LOXL2: variants seen among roughly 807,000 people sequenced by gnomAD.
The protein encoded by LOXL2 is lysyl oxidase like 2.
A neutral mutation model predicts 93.0 loss-of-function variants in LOXL2; 70 were observed. That is an observed-to-expected ratio of 0.75 (90% CI 0.62 to 0.92). LOXL2 has a LOEUF of 0.92. Among genes scored for constraint, LOXL2 ranks in the 40% least tolerant of loss-of-function variants. The pLI is 0.00. For missense variants in LOXL2, 973 were observed against 1,054.9 expected (o/e 0.92, Z 1.08); for synonymous variants, 438 against 413.2 (o/e 1.06, Z -0.73).
chr8:23,340,908 AG>A, intron 4 of LOXL2, 83 bp downstream of exon 4: 1 of 1,275,126 alleles, frequency 7.8e-7, no homozygotes, highest in Non-Finnish European at 1.1e-6. Context: ...GGCCAAGGAA[AG>A]GCCACCACCA....
intron 8 of LOXL2, 30 bp downstream of exon 8, chr8:23,319,854 GA>G: frequency 6.2e-7 from 1 of 1,606,326 alleles, no homozygotes; most frequent in Non-Finnish European, 8.5e-7. Context: ...CATGGGGGGT[GA>G]ATGCGGGGTC....
chr8:23,381,095 C>CTT (rs55908148), intron 1 of LOXL2, among the ~76,000 whole-genome samples: 84,149 of 144,940 alleles, frequency 0.58, 25,033 homozygotes, highest in East Asian at 0.76. Flanking sequence ...CCTCTCCAGT[C>CTT]TTTTTTTTTT....
chr8:23,404,056 G>A lies in LOXL2; in HGVS notation c.-186C>T, dbSNP rs974498272. 9.7e-6 allele frequency: 2 copies of A among 206,884 alleles called. No individual in the cohort carries two copies. Among genetic ancestry groups the A allele is most frequent in the Non-Finnish European group, 2.1e-5 (2 of 97,376 alleles). 12.8% of individuals were successfully genotyped at this position (206,884 alleles called of 1,614,324 possible). A position where few individuals can be genotyped will look rare whatever the true frequency, so the allele number is the denominator to read the frequency against. On this transcript the variant is annotated 5_prime_UTR_variant, in exon 1 of 14. Coordinates refer to ENST00000389131, the MANE Select transcript of LOXL2 (RefSeq NM_002318.3). ...AGCCCCTTTCTCGAGCAGAGGGGGCGGCTCTGGTCTCCGATGGCTGGAGAA... is the reference window on the plus strand; with the variant it reads ...AGCCCCTTTCTCGAGCAGAGGGGGCAGCTCTGGTCTCCGATGGCTGGAGAA...
chr8:23,383,753 C>T (rs922342055), intron 1 of LOXL2, among the ~76,000 whole-genome samples: 32 of 148,440 alleles, frequency 2.2e-4, no homozygotes, highest in Non-Finnish European at 3.8e-4. Flanking sequence ...CTCTGCCTCC[C>T]GGGTTCACGC....
At chr8:23,328,803 C>G (rs1297850697) in intron 5 of LOXL2, 2 of 491,808 alleles carry the variant, frequency 4.1e-6, no homozygotes, top group Non-Finnish European at 3.7e-6. Flanking sequence ...GGTGCAAGCT[C>G]CCTTTGCAGC....
At chr8:23,364,182 T>C (rs1473749264) in intron 2 of LOXL2, 1 of 152,164 alleles carries the variant, frequency 6.6e-6, no homozygotes, top group African/African-American at 2.4e-5. Context: ...GGCCCTTTTT[T>C]TTCCCTCTAC....
chr8:23,352,505 A>G (rs1487146906), intron 3 of LOXL2, among the ~76,000 whole-genome samples: 2 of 152,190 alleles, frequency 1.3e-5, no homozygotes, highest in Non-Finnish European at 1.5e-5. Flanking sequence ...CAGACTTTTC[A>G]GAAGTCCTTC....
intron 5 of LOXL2, chr8:23,331,308 T>A (rs1292163296): frequency 6.5e-6 from 1 of 152,734 alleles, no homozygotes; most frequent in Non-Finnish European, 1.5e-5. Context: ...GCTGACACAC[T>A]CTCTGCCCCC....
In LOXL2 at chr8:23,310,531, C is replaced by T. The variant is rs149750714; in HGVS notation, c.1637-620G>A. Among the ~76,000 whole-genome samples, 481 of 152,332 alleles carry T rather than the reference C, an allele frequency of 3.2e-3. 3 individuals carry two copies. The highest frequency in any genetic ancestry group is 4.7e-3 in the Non-Finnish European group (320 of 68,036). ...TGGCTACATAAGATTTAATTCCTAG[C>T]TCTAGCTCATATTTTTAGATATATT... On this transcript the variant is annotated intron_variant, in intron 9 of 13. Transcript: ENST00000389131.
At position 23,368,210 on chromosome 8, in the gene LOXL2, G is replaced by A. The variant is rs1332634837; in HGVS notation, c.142C>T (p.Gln48Ter). Residue 48 changes from glutamine to a stop codon, truncating the protein, a stop_gained, in exon 2 of 14, where the codon CAG (glutamine) becomes TAG (stop). Coordinates refer to ENST00000389131, the MANE Select transcript of LOXL2 (RefSeq NM_002318.3). LOFTEE classifies it high-confidence loss of function. Reference protein sequence around the residue: ...QQPAPEYHQPQAPANVAKIQL... With the variant: ...QQPAPEYHQP Reference sequence around the variant, plus strand: ...ATCTTGGCCACGTTGGCGGGGGCCTGGGGCTGGTGATACTCAGGAGCCGGT... The same window carrying A: ...ATCTTGGCCACGTTGGCGGGGGCCTAGGGCTGGTGATACTCAGGAGCCGGT... 7.4e-6 allele frequency: 12 copies of A among 1,614,046 alleles called. No individual in the cohort carries two copies. Among genetic ancestry groups the A allele is most frequent in the Non-Finnish European group, 1.0e-5 (12 of 1,180,032 alleles).
Position 23,379,380 on chromosome 8 carries a change from G to A in LOXL2, c.-83-10946C>T, listed in dbSNP as rs566245890. Among the ~76,000 whole-genome samples the A allele has an allele frequency of 2.6e-5, 4 of 152,352 alleles. No homozygotes were observed. The East Asian group carries it at 7.7e-4, about 29-fold the overall frequency. On this transcript the variant is annotated intron_variant, in intron 1 of 13. Coordinates refer to ENST00000389131, the MANE Select transcript of LOXL2 (RefSeq NM_002318.3). ...TGCCTCCCAGTTAGGCTACTCGGGG[G>A]TCAGGGACCCACTTGAGGAGGCAGT...
intron 2 of LOXL2, among the ~76,000 whole-genome samples, chr8:23,362,153 T>G (rs1042508280): frequency 6.6e-6 from 1 of 152,208 alleles, no homozygotes; most frequent in Admixed American, 6.5e-5. Context: ...CGATGGAATA[T>G]TAGTCAGCCT....
At chr8:23,396,981 T>A (rs1008924875) in intron 1 of LOXL2, among the ~76,000 whole-genome samples, 1 of 152,158 alleles carries the variant, frequency 6.6e-6, no homozygotes, top group Non-Finnish European at 1.5e-5. Context: ...GAGGAGGAGA[T>A]AAACAAATGT....
chr8:23,379,323 G>A (rs952754864), intron 1 of LOXL2, among the ~76,000 whole-genome samples: 7 of 152,198 alleles, frequency 4.6e-5, no homozygotes, highest in Admixed American at 6.5e-5. Context: ...GTACCCAGCC[G>A]TGTGAGGTGT....
intron 3 of LOXL2, among the ~76,000 whole-genome samples, chr8:23,347,839 C>T (rs377387360): frequency 3.9e-5 from 6 of 152,116 alleles, no homozygotes; most frequent in East Asian, 1.9e-4. Context: ...TGGGCACCAG[C>T]GATCCCATTA....
chr8:23,364,110 A>T (rs1285344030), intron 2 of LOXL2: 1 of 152,362 alleles, frequency 6.6e-6, no homozygotes, highest in Non-Finnish European at 1.5e-5. Flanking sequence ...ACCTGACCTC[A>T]GGTGATCTGC....
chr8:23,321,847 T>G, intron 7 of LOXL2: 2 of 387,810 alleles, frequency 5.2e-6, no homozygotes, highest in Non-Finnish European at 9.4e-6. Context: ...ACGCCTGTCT[T>G]TGGAGGTGGT....
chr8:23,317,866 C>G (rs950683275), intron 8 of LOXL2, among the ~76,000 whole-genome samples: 1 of 151,276 alleles, frequency 6.6e-6, no homozygotes, highest in East Asian at 1.9e-4. Context: ...TCAGGTCTCT[C>G]GGGCTTGGAG....
chr8:23,343,653 T>TGTGG (rs1803923047), intron 3 of LOXL2, among the ~76,000 whole-genome samples: 1 of 152,202 alleles, frequency 6.6e-6, no homozygotes, highest in Admixed American at 6.5e-5. Context: ...GTGGAAAGTA[T>TGTGG]GTGGGCCTGG....
Sources: gnomAD v4.1 joint callset for allele counts (sites outside exome capture counted in the v4.1 genomes callset) on GRCh38, gnomAD v4.1.1 for gene constraint, MANE v1.5 for transcripts, NCBI Gene and HGNC (gene_info 2026-07-23, HGNC 2026-07-21) for gene names.